Variants in SYK observed in about 807,000 individuals in gnomAD.
SYK encodes the protein tyrosine-protein kinase SYK.
A neutral mutation model predicts 77.8 loss-of-function variants in SYK; 16 were observed. The ratio of observed to expected loss-of-function variants is 0.21; its 90% CI spans 0.14 to 0.31. The LOEUF (loss-of-function observed/expected upper bound fraction) is 0.31. SYK is among the 10% of genes least tolerant of loss of function. The pLI is 1.00. For missense variants in SYK, 529 were observed against 814.4 expected (o/e 0.65, Z 4.26); for synonymous variants, 312 against 308.7 (o/e 1.01, Z -0.11).
chr9:90,889,429 A>T (rs1828706136), intron 13 of SYK, among the ~76,000 whole-genome samples: 1 of 152,206 alleles, frequency 6.6e-6, no homozygotes, highest in Admixed American at 6.5e-5. Context: ...CATGGATTTG[A>T]TGCTTTGCGG....
chr9:90,801,724 G>A (rs1247573591), upstream of SYK: 1 of 152,234 alleles, frequency 6.6e-6, no homozygotes, highest in Non-Finnish European at 1.5e-5. Context: ...AGGGCGGCGG[G>A]GCGCGACACT....
chr9:90,889,893 C>T (rs973093747), intron 13 of SYK, among the ~76,000 whole-genome samples: 9 of 152,198 alleles, frequency 5.9e-5, no homozygotes, highest in African/African-American at 1.7e-4. Context: ...AGCACTGGAC[C>T]CTGGGGAGGG....
At chr9:90,825,240 A>C (rs1444274798) in intron 1 of SYK, among the ~76,000 whole-genome samples, 1 of 152,234 alleles carries the variant, frequency 6.6e-6, no homozygotes, top group Non-Finnish European at 1.5e-5. Flanking sequence ...GTAAATGGAA[A>C]AGTAGTCCAT....
chr9:90,874,983 A>T, intron 9 of SYK, 134 bp downstream of exon 9: 3 of 1,125,202 alleles, frequency 2.7e-6, no homozygotes, highest in Non-Finnish European at 3.7e-6. Context: ...AATTTCTGGT[A>T]CTATTATAAT....
chr9:90,890,804 G>A (rs1331338684), intron 13 of SYK, among the ~76,000 whole-genome samples: 1 of 152,230 alleles, frequency 6.6e-6, no homozygotes. Context: ...TTTTGAAGCA[G>A]CTGTGTTTGT....
At chr9:90,855,348 G>A (rs1248631878) in intron 3 of SYK, among the ~76,000 whole-genome samples, 1 of 152,158 alleles carries the variant, frequency 6.6e-6, no homozygotes, top group Non-Finnish European at 1.5e-5. Flanking sequence ...GAGGTGAAGG[G>A]TGTGAGCATT....
intron 1 of SYK, among the ~76,000 whole-genome samples, chr9:90,810,301 C>T (rs989110363): frequency 1.3e-5 from 2 of 152,162 alleles, no homozygotes; most frequent in African/African-American, 4.8e-5. Context: ...GTGACCATCT[C>T]CAGCTCCACA....
intron 7 of SYK, among the ~76,000 whole-genome samples, chr9:90,868,748 G>C (rs1827614902): frequency 6.6e-6 from 1 of 152,074 alleles, no homozygotes; most frequent in Admixed American, 6.5e-5. Context: ...CTCTTCCTTG[G>C]GGAAGTCTGA....
At position 90,801,910 on chromosome 9, in the gene SYK, C is replaced by T. The variant is rs1817537100; in HGVS notation, c.-42+17C>T. ...CTGGCGCAGGTAGGTGTGGCCGCGT[C>T]CCCTACCCGGCCGGGACTTTCTGGT... On this transcript the variant is annotated intron_variant, in intron 1 of 13. Coordinates refer to ENST00000375754, the MANE Select transcript of SYK (RefSeq NM_003177.7). 1 of 152,438 alleles carries T rather than the reference C, an allele frequency of 6.6e-6. No homozygotes were observed. Among genetic ancestry groups the T allele is most frequent in the African/African-American group, 2.4e-5 (1 of 41,466 alleles). The allele number at this position is 152,438 out of a possible 1,614,324, so 9.4% of individuals were successfully genotyped here.
At chr9:90,882,036 T>C (rs150116759) in intron 11 of SYK, among the ~76,000 whole-genome samples, 1 of 152,362 alleles carries the variant, frequency 6.6e-6, no homozygotes, top group African/African-American at 2.4e-5. Context: ...TATACATGGT[T>C]AGGTAGAAAA....
chr9:90,875,363 A>G (rs762186415), intron 9 of SYK, among the ~76,000 whole-genome samples: 44 of 152,206 alleles, frequency 2.9e-4, no homozygotes, highest in Non-Finnish European at 2.4e-4. Context: ...TGATTGCACC[A>G]CTGCACTCTA....
rs1159931726 is a variant in SYK at position 90,888,571 on chromosome 9, C to T, written c.1779C>T (p.Cys593=). ...TAGAGAAAGGAGAGCGGATGGGGTG[C>T]CCTGCAGGGTGTCCAAGAGAGATGT... The part of the protein sequence containing the change: ...AMLEKGERMG[C]PAGCPREMYD... Residue 593 remains cysteine, a synonymous_variant, in exon 13 of 14, where the codon TGC becomes TGT. Coordinates refer to ENST00000375754, the MANE Select transcript of SYK (RefSeq NM_003177.7). 5.6e-6 allele frequency: 9 copies of T among 1,612,402 alleles called. No individual in the cohort carries two copies. Among genetic ancestry groups the T allele is most frequent in the Non-Finnish European group, 7.6e-6 (9 of 1,179,448 alleles).
At chr9:90,850,622 A>G (rs1293797487) in intron 3 of SYK, among the ~76,000 whole-genome samples, 1 of 152,092 alleles carries the variant, frequency 6.6e-6, no homozygotes, top group Non-Finnish European at 1.5e-5. Flanking sequence ...AGTTTGGTGG[A>G]TAATATGGGT....
At chr9:90,866,758 C>A (rs41274656) in intron 6 of SYK, among the ~76,000 whole-genome samples, 8,660 of 152,228 alleles carry the variant, frequency 0.057, 287 homozygotes, top group South Asian at 0.16. Flanking sequence ...ACCGTGGAAC[C>A]AGCACCCACC....
At chr9:90,819,474 A>G (rs1451346045) in intron 1 of SYK, among the ~76,000 whole-genome samples, 2 of 152,238 alleles carry the variant, frequency 1.3e-5, no homozygotes, top group Non-Finnish European at 2.9e-5. Context: ...GAGGCCTCAG[A>G]ATCATGGCAG....
intron 7 of SYK, among the ~76,000 whole-genome samples, chr9:90,872,543 G>A (rs919908729): frequency 3.3e-5 from 5 of 152,230 alleles, no homozygotes; most frequent in Non-Finnish European, 1.5e-5. Context: ...TTTCTGTCAG[G>A]ACAGTTTTCC....
In SYK at chr9:90,805,073, G is replaced by T. The variant is rs182062788; in HGVS notation, c.-42+3180G>T. 1.7e-3 allele frequency among the ~76,000 whole-genome samples: 266 copies of T among 152,256 alleles called. 3 individuals carry two copies. The highest frequency in any genetic ancestry group is 6.1e-3 in the African/African-American group (252 of 41,554). ...CCAAGACCAAAGATATGCAAAGAAA[G>T]AATATTTTGTTTATGTTACAGTACA... is the stretch of plus-strand genomic sequence containing the variant. On this transcript the variant is annotated intron_variant, in intron 1 of 13. Coordinates refer to ENST00000375754, the MANE Select transcript of SYK (RefSeq NM_003177.7).
chr9:90,858,102 C>G (rs3789902), intron 3 of SYK, among the ~76,000 whole-genome samples: 1 of 152,096 alleles, frequency 6.6e-6, no homozygotes, highest in Non-Finnish European at 1.5e-5. Context: ...CCTTGGTGCC[C>G]GGGCATCACC....
intron 3 of SYK, among the ~76,000 whole-genome samples, chr9:90,859,709 A>G (rs1827177236): frequency 6.6e-6 from 1 of 152,218 alleles, no homozygotes; most frequent in South Asian, 2.1e-4. Flanking sequence ...TGCTCCCACA[A>G]GCAACGTAGG....
Sources: allele counts gnomAD v4.1 joint callset (sites outside exome capture counted in the v4.1 genomes callset), GRCh38; gene constraint gnomAD v4.1.1; transcripts MANE v1.5; gene names NCBI Gene and HGNC (gene_info 2026-07-23, HGNC 2026-07-21).